Variants in CFAP95 observed in about 807,000 individuals in gnomAD.
CFAP95 encodes the protein cilia and flagella associated protein 95.
the CFAP95 span, among the ~76,000 whole-genome samples, chr9:69,885,688 G>C: frequency 2.0e-5 from 3 of 152,118 alleles, no homozygotes; most frequent in Non-Finnish European, 4.4e-5. Context: ...GGTGGAGGTT[G>C]GGAATGTTAT....
At chr9:69,852,601 G>T in the CFAP95 span, among the ~76,000 whole-genome samples, 2 of 152,054 alleles carry the variant, frequency 1.3e-5, no homozygotes, top group Admixed American at 6.6e-5. Context: ...ATGCACTGGG[G>T]TCTCACTCAT....
the CFAP95 span, among the ~76,000 whole-genome samples, chr9:69,822,185 A>C: frequency 6.6e-6 from 1 of 152,104 alleles, no homozygotes; most frequent in South Asian, 2.1e-4. Flanking sequence ...GGGCGTGAAG[A>C]AAAAAAAGAA....
chr9:69,853,456 T>C, the CFAP95 span, among the ~76,000 whole-genome samples: 1 of 152,236 alleles, frequency 6.6e-6, no homozygotes, highest in African/African-American at 2.4e-5. Flanking sequence ...TCAAGCTAGA[T>C]TTTATTATGT....
the CFAP95 span, chr9:69,902,486 C>G: frequency 3.1e-6 from 1 of 323,382 alleles, no homozygotes; most frequent in African/African-American, 2.2e-5. Flanking sequence ...TTTTCTGAAA[C>G]AAAGTACAAA....
chr9:69,825,689 C>CTGTTAGGATA, the CFAP95 span, among the ~76,000 whole-genome samples: 11 of 152,282 alleles, frequency 7.2e-5, no homozygotes, highest in African/African-American at 2.6e-4. Flanking sequence ...TATCTTCCCA[C>CTGTTAGGATA]TCATTGGAAT....
the CFAP95 span, among the ~76,000 whole-genome samples, chr9:69,856,949 G>C: frequency 2.6e-4 from 35 of 136,840 alleles, 2 homozygotes; most frequent in Middle Eastern, 4.3e-3. Flanking sequence ...CTGGCCCAAG[G>C]TTCTGACTAT....
chr9:69,856,489 T>C, the CFAP95 span: 10 of 865,838 alleles, frequency 1.2e-5, no homozygotes, highest in Non-Finnish European at 1.8e-5. Flanking sequence ...AATAAAAACA[T>C]GTTTTAGTAA....
the CFAP95 span, among the ~76,000 whole-genome samples, chr9:69,868,847 T>C: frequency 2.7e-5 from 4 of 146,760 alleles, no homozygotes; most frequent in South Asian, 8.5e-4. Context: ...AGGACTTAAA[T>C]AGGCATTTTT....
the CFAP95 span, among the ~76,000 whole-genome samples, chr9:69,823,061 AT>A: frequency 1.4e-4 from 22 of 152,180 alleles, no homozygotes; most frequent in African/African-American, 5.3e-4. Context: ...AGACTGGGTA[AT>A]TTATAAAGGA....
chr9:69,833,450 C>T, the CFAP95 span, among the ~76,000 whole-genome samples: 2 of 152,186 alleles, frequency 1.3e-5, no homozygotes, highest in Non-Finnish European at 1.5e-5. Context: ...AATCTACCTG[C>T]CTCTGCCTCC....
the CFAP95 span, among the ~76,000 whole-genome samples, chr9:69,842,954 G>T: frequency 0.18 from 27,021 of 152,144 alleles, 2,527 homozygotes; most frequent in Middle Eastern, 0.27. Context: ...TGGGAATGTA[G>T]TGCAGGGGCT....
the CFAP95 span, among the ~76,000 whole-genome samples, chr9:69,888,707 C>G: frequency 6.6e-6 from 1 of 152,044 alleles, no homozygotes; most frequent in Non-Finnish European, 1.5e-5. Flanking sequence ...GAAACCTTGT[C>G]TCTACTAAAA....
the CFAP95 span, among the ~76,000 whole-genome samples, chr9:69,832,873 T>C: frequency 2.6e-5 from 4 of 152,048 alleles, no homozygotes; most frequent in African/African-American, 4.8e-5. Context: ...ACTGGGGGCG[T>C]TGGGAAATAG....
chr9:69,885,380 G>C, the CFAP95 span, among the ~76,000 whole-genome samples: 1 of 152,080 alleles, frequency 6.6e-6, no homozygotes, highest in Non-Finnish European at 1.5e-5. Flanking sequence ...AAACTTTCTT[G>C]CAAGTTTCTC....
At chr9:69,850,725 G>A in the CFAP95 span, among the ~76,000 whole-genome samples, 601 of 152,262 alleles carry the variant, frequency 3.9e-3, 6 homozygotes, top group African/African-American at 0.014. Flanking sequence ...CAGGGGAAAG[G>A]AAGATGTTTG....
the CFAP95 span, among the ~76,000 whole-genome samples, chr9:69,832,619 G>GGTTTTTTTTTTTTTTTTTT: frequency 7.1e-5 from 1 of 14,118 alleles, no homozygotes; most frequent in African/African-American, 2.5e-4. Flanking sequence ...AGTCTATTCG[G>GGTTTTTTTTTTTTTTTTTT]ATTTTTTTTT....
chr9:69,866,218 C>T, the CFAP95 span, among the ~76,000 whole-genome samples: 10 of 152,076 alleles, frequency 6.6e-5, no homozygotes, highest in African/African-American at 1.2e-4. Context: ...CAGTATTCTC[C>T]GAGAAACAGA....
the CFAP95 span, among the ~76,000 whole-genome samples, chr9:69,896,144 C>T: frequency 6.6e-6 from 1 of 152,146 alleles, no homozygotes; most frequent in African/African-American, 2.4e-5. Flanking sequence ...AATTGATATA[C>T]AGTCCATTAA....
chr9:69,889,200 T>A, the CFAP95 span, among the ~76,000 whole-genome samples: 2 of 152,206 alleles, frequency 1.3e-5, no homozygotes, highest in Non-Finnish European at 2.9e-5. Flanking sequence ...AAACCGTATT[T>A]GTAAATACTA....
Sources: gnomAD v4.1 joint callset for allele counts (sites outside exome capture counted in the v4.1 genomes callset) on GRCh38, gnomAD v4.1.1 for gene constraint, MANE v1.5 for transcripts, NCBI Gene and HGNC (gene_info 2026-07-23, HGNC 2026-07-21) for gene names.